The following SCHIP1 variants were observed in gnomAD, a reference collection of about 807,000 sequenced individuals.
SCHIP1 encodes the protein schwannomin-interacting protein 1.
Under a neutral mutation model 29.7 loss-of-function variants are expected in SCHIP1, and 8 were observed. The ratio of observed to expected loss-of-function variants is 0.27; its 90% CI spans 0.16 to 0.49. The LOEUF (loss-of-function observed/expected upper bound fraction) is 0.49, where lower values mean the gene tolerates loss of function less well. Among genes scored for constraint, SCHIP1 ranks in the 20% least tolerant of loss-of-function variants. The pLI is 0.99. For synonymous variants in SCHIP1, 76 were observed against 94.9 expected (o/e 0.80, Z 1.16); for missense variants, 193 against 294.6 (o/e 0.66, Z 2.52).
At chr3:159,856,970 C>A (rs534225103) in intron 1 of SCHIP1, among the ~76,000 whole-genome samples, 1 of 152,310 alleles carries the variant, frequency 6.6e-6, no homozygotes, top group African/African-American at 2.4e-5. Context: ...CTCACGTCTT[C>A]CTGCCTGTGA....
chr3:159,395,911 ACAGTGGGGTGTTAAATTCTCC>A, the SCHIP1 span, among the ~76,000 whole-genome samples: 1 of 152,130 alleles, frequency 6.6e-6, no homozygotes, highest in African/African-American at 2.4e-5. Context: ...TCTAATGTTG[ACAGTGGGGTGTTAAATTCTCC>A]CATTATTAAC....
chr3:159,303,738 A>G, the SCHIP1 span, among the ~76,000 whole-genome samples: 2 of 152,178 alleles, frequency 1.3e-5, no homozygotes, highest in Admixed American at 6.5e-5. Flanking sequence ...TTGAAATTGC[A>G]CAGTAATAAT....
the SCHIP1 span, among the ~76,000 whole-genome samples, chr3:159,692,427 T>G: frequency 5.3e-5 from 8 of 152,216 alleles, no homozygotes; most frequent in Non-Finnish European, 1.2e-4. Flanking sequence ...TGTTTCTTTT[T>G]ATTCTTTTTT....
the SCHIP1 span, among the ~76,000 whole-genome samples, chr3:159,645,192 T>C: frequency 3.3e-5 from 5 of 152,120 alleles, no homozygotes; most frequent in East Asian, 5.8e-4. Context: ...TAAGCCACAG[T>C]TGGAGAAGCC....
the SCHIP1 span, among the ~76,000 whole-genome samples, chr3:159,426,532 G>A: frequency 6.6e-6 from 1 of 152,156 alleles, no homozygotes; most frequent in Non-Finnish European, 1.5e-5. Context: ...TGAAATTGTG[G>A]CAATAATCAA....
chr3:159,511,863 C>A, the SCHIP1 span, among the ~76,000 whole-genome samples: 1 of 151,956 alleles, frequency 6.6e-6, no homozygotes, highest in African/African-American at 2.4e-5. Context: ...AATTAAAAAC[C>A]AAAACATGAA....
chr3:159,339,713 T>C, the SCHIP1 span, among the ~76,000 whole-genome samples: 1 of 152,140 alleles, frequency 6.6e-6, no homozygotes, highest in Non-Finnish European at 1.5e-5. Flanking sequence ...TGAGGGCACG[T>C]TGGAATTTAA....
chr3:159,764,672 G>C, the SCHIP1 span: 2 of 1,590,980 alleles, frequency 1.3e-6, no homozygotes, highest in South Asian at 2.3e-5. The surrounding 1 kb of genome is among the most constrained non-coding windows in gnomAD (Gnocchi z 6.1). Context: ...GAGGAGGACG[G>C]GGAGGAGGAG....
the SCHIP1 span, among the ~76,000 whole-genome samples, chr3:159,348,215 T>G: frequency 6.6e-6 from 1 of 152,126 alleles, no homozygotes; most frequent in Non-Finnish European, 1.5e-5. Context: ...CATTCAGTAT[T>G]GAATGTAGCA....
chr3:159,528,437 C>T, the SCHIP1 span, among the ~76,000 whole-genome samples: 1 of 152,164 alleles, frequency 6.6e-6, no homozygotes, highest in East Asian at 1.9e-4. Context: ...AAAGGGCCAG[C>T]TGCTGCCTCG....
the SCHIP1 span, among the ~76,000 whole-genome samples, chr3:159,746,485 G>C: frequency 6.6e-6 from 1 of 152,134 alleles, no homozygotes; most frequent in Non-Finnish European, 1.5e-5. Flanking sequence ...AAATGGTGCA[G>C]ATCTATACTG....
At chr3:159,746,767 C>A in the SCHIP1 span, among the ~76,000 whole-genome samples, 1 of 152,160 alleles carries the variant, frequency 6.6e-6, no homozygotes, top group African/African-American at 2.4e-5. Flanking sequence ...CCTTCACTTG[C>A]GGGAGATGGA....
At chr3:159,429,707 G>T in the SCHIP1 span, among the ~76,000 whole-genome samples, 1 of 152,064 alleles carries the variant, frequency 6.6e-6, no homozygotes. Context: ...ACAAGAACAG[G>T]TTATGCCGTA....
the SCHIP1 span, among the ~76,000 whole-genome samples, chr3:159,550,395 G>A: frequency 1.7e-3 from 266 of 152,048 alleles, 2 homozygotes; most frequent in African/African-American, 6.0e-3. Flanking sequence ...TATATTTTAA[G>A]TGTATGTTAT....
the SCHIP1 span, among the ~76,000 whole-genome samples, chr3:159,535,281 C>A: frequency 6.6e-6 from 1 of 152,192 alleles, no homozygotes; most frequent in African/African-American, 2.4e-5. Flanking sequence ...TTTCTCCACT[C>A]ATTCACCAGC....
chr3:159,448,785 A>T, the SCHIP1 span, among the ~76,000 whole-genome samples: 1 of 152,158 alleles, frequency 6.6e-6, no homozygotes, highest in Non-Finnish European at 1.5e-5. Context: ...TTACCCTAAC[A>T]CACTCATGAA....
the SCHIP1 span, among the ~76,000 whole-genome samples, chr3:159,809,516 C>T: frequency 9.2e-4 from 140 of 152,098 alleles, no homozygotes; most frequent in Non-Finnish European, 1.8e-3. Context: ...ATGGCTGGAT[C>T]AAATGGTATT....
chr3:159,662,178 A>G, the SCHIP1 span, among the ~76,000 whole-genome samples: 1 of 152,140 alleles, frequency 6.6e-6, no homozygotes, highest in African/African-American at 2.4e-5. Context: ...TCTTTAAAAT[A>G]GCCAATCAGA....
the SCHIP1 span, among the ~76,000 whole-genome samples, chr3:159,681,856 GGTTAACTTGGGTTAACTCAAC>G: frequency 1.3e-5 from 2 of 151,426 alleles, no homozygotes; most frequent in Non-Finnish European, 3.0e-5. Context: ...CGTTAACTTA[GGTTAACTTGGGTTAACTCAAC>G]GTTAACTTAG....
Sources: gnomAD v4.1 joint callset for allele counts (sites outside exome capture counted in the v4.1 genomes callset) on GRCh38, gnomAD v4.1.1 for gene constraint, Gnocchi (gnomAD v3.1) non-coding constraint, MANE v1.5 for transcripts, NCBI Gene and HGNC (gene_info 2026-07-23, HGNC 2026-07-21) for gene names.